FGF2: variants seen among roughly 807,000 people sequenced by gnomAD.
FGF2 encodes the protein basic fibroblast growth factor bFGF.
A neutral mutation model predicts 15.9 loss-of-function variants in FGF2; 13 were observed. That is an observed-to-expected ratio of 0.82 (90% CI 0.53 to 1.30). FGF2 has a LOEUF of 1.30. Ranked by LOEUF, FGF2 falls within the 50% of genes most tolerant of loss-of-function variation. The pLI is 0.00. For missense variants in FGF2, 163 were observed against 196.9 expected (o/e 0.83, Z 1.03); for synonymous variants, 90 against 78.4 (o/e 1.15, Z -0.78).
Position 122,892,285 on chromosome 4 carries a change from A to T in FGF2, c.357A>T (p.Lys119Asn), listed in dbSNP as rs145325930. 6.2e-7 allele frequency: 1 copy of T among 1,613,916 alleles called. No individual in the cohort carries two copies. Among genetic ancestry groups the T allele is most frequent in the Non-Finnish European group, 8.5e-7 (1 of 1,179,878 alleles). Residue 119 changes from lysine to asparagine, a missense_variant, in exon 3 of 3, where the codon AAA becomes AAT. Coordinates refer to ENST00000644866, the MANE Select transcript of FGF2 (RefSeq NM_001361665.2). The part of the protein sequence containing the change: ...SNNYNTYRSR[K>N]YTSWYVALKR... Reference sequence around the variant, plus strand: ...ACTACAATACTTACCGGTCAAGGAAATACACCAGTTGGTATGTGGCACTGA... The same window carrying T: ...ACTACAATACTTACCGGTCAAGGAATTACACCAGTTGGTATGTGGCACTGA...
intron 2 of FGF2, among the ~76,000 whole-genome samples, chr4:122,891,168 G>C (rs2150792546): frequency 6.6e-6 from 1 of 151,134 alleles, no homozygotes; most frequent in African/African-American, 2.4e-5. Flanking sequence ...AGCCTCCCAA[G>C]TAGCTGGGAC....
intron 1 of FGF2, among the ~76,000 whole-genome samples, chr4:122,829,571 A>G (rs995423362): frequency 6.6e-5 from 10 of 152,140 alleles, no homozygotes; most frequent in Non-Finnish European, 7.4e-5. Flanking sequence ...TTTTATTTCT[A>G]TAGGGTTTTA....
chr4:122,840,494 G>A (rs1725959015), intron 1 of FGF2: 1 of 152,390 alleles, frequency 6.6e-6, no homozygotes, highest in Non-Finnish European at 1.5e-5. Flanking sequence ...GCAGCTATCA[G>A]GTACGTTTCC....
intron 1 of FGF2, among the ~76,000 whole-genome samples, chr4:122,858,371 A>G (rs959999482): frequency 1.3e-5 from 2 of 152,118 alleles, no homozygotes; most frequent in African/African-American, 4.8e-5. Flanking sequence ...CATTTTCAGC[A>G]AATGAGTTCC....
At chr4:122,885,592 C>T (rs921101099) in intron 2 of FGF2, among the ~76,000 whole-genome samples, 1 of 152,128 alleles carries the variant, frequency 6.6e-6, no homozygotes. Flanking sequence ...ATAAAGATGA[C>T]ACAGAGAGTA....
At chr4:122,881,634 A>G (rs1451556907) in intron 2 of FGF2, among the ~76,000 whole-genome samples, 2 of 151,708 alleles carry the variant, frequency 1.3e-5, no homozygotes, top group African/African-American at 4.9e-5. Context: ...TTCATTGTCC[A>G]TATCATTATC....
At chr4:122,837,082 A>G (rs1485604106) in intron 1 of FGF2, among the ~76,000 whole-genome samples, 1 of 152,182 alleles carries the variant, frequency 6.6e-6, no homozygotes, top group Non-Finnish European at 1.5e-5. Context: ...ACTGTCTGGT[A>G]CCATTGTTAA....
intron 1 of FGF2, among the ~76,000 whole-genome samples, chr4:122,873,822 T>G (rs1301585553): frequency 1.3e-5 from 2 of 150,366 alleles, no homozygotes; most frequent in Non-Finnish European, 2.9e-5. Context: ...ATTTAAAAAT[T>G]ATATGCCAAT....
At chr4:122,831,519 T>A (rs184300583) in intron 1 of FGF2, among the ~76,000 whole-genome samples, 1 of 152,342 alleles carries the variant, frequency 6.6e-6, no homozygotes, top group Non-Finnish European at 1.5e-5. Flanking sequence ...TGGATAGCAA[T>A]AATTTTACTT....
At position 122,826,887 on chromosome 4, in the gene FGF2, T is replaced by A; in HGVS notation, c.-288T>A. On this transcript the variant is annotated 5_prime_UTR_variant, in exon 1 of 3. Transcript: ENST00000644866. ...CAACGGGATCCCGGGCGCTGCAGCT[T>A]GGGAGGCGGCTCTCCCCAGGCGGCG... 6.6e-7 allele frequency: 1 copy of A among 1,525,304 alleles called. No individual in the cohort carries two copies. The highest frequency in any genetic ancestry group is 8.8e-7 in the Non-Finnish European group (1 of 1,139,686). The allele number at this position is 1,525,304 out of a possible 1,614,324, so 94.5% of individuals were successfully genotyped here.
intron 1 of FGF2, among the ~76,000 whole-genome samples, chr4:122,834,029 A>G (rs1383404141): frequency 2.0e-5 from 3 of 152,204 alleles, no homozygotes; most frequent in Non-Finnish European, 4.4e-5. Context: ...CACGCCCAGG[A>G]AAGATTAGGC....
In FGF2 at chr4:122,893,204, ACTT is replaced by A. The variant is rs1336368273; in HGVS notation, c.*811_*813del. 46 of 1,607,994 alleles carry A rather than the reference ACTT, an allele frequency of 2.9e-5. No individual in the cohort carries two copies. The highest frequency in any genetic ancestry group is 3.7e-5 in the Non-Finnish European group (43 of 1,176,108). On this transcript the variant is annotated 3_prime_UTR_variant, in exon 3 of 3. Coordinates refer to ENST00000644866, the MANE Select transcript of FGF2 (RefSeq NM_001361665.2). ...TGATTTTATACCAGTCTCTTCAAAA[ACTT>A]CTCGAACCGCTGTGTCTCCTACGTA...
At chr4:122,833,988 T>C (rs917642272) in intron 1 of FGF2, among the ~76,000 whole-genome samples, 1 of 152,216 alleles carries the variant, frequency 6.6e-6, no homozygotes, top group African/African-American at 2.4e-5. Context: ...TATCATGTAC[T>C]ATTGTTGTAG....
Position 122,897,600 on chromosome 4 carries a change from A to G in FGF2, c.*5204A>G, listed in dbSNP as rs775626826. On this transcript the variant is annotated 3_prime_UTR_variant, in exon 3 of 3. Coordinates refer to ENST00000644866, the MANE Select transcript of FGF2 (RefSeq NM_001361665.2). ...TAATTTCCTCAACATTTTTAAGCCA[A>G]TTAAAAATATAAAAGATACACACCA... 2.0e-6 allele frequency: 3 copies of G among 1,510,292 alleles called. No individual in the cohort carries two copies. In the South Asian group the frequency reaches 3.4e-5, roughly 17 times the overall value. 93.6% of individuals were successfully genotyped at this position (1,510,292 alleles called of 1,614,324 possible).
At chr4:122,835,371 C>G (rs1434960000) in intron 1 of FGF2, among the ~76,000 whole-genome samples, 3 of 151,610 alleles carry the variant, frequency 2.0e-5, no homozygotes, top group Non-Finnish European at 2.9e-5. Flanking sequence ...CCCCAAGGTT[C>G]TGTTTTTAGC....
chr4:122,830,816 CA>C (rs35597051), intron 1 of FGF2, among the ~76,000 whole-genome samples: 2,524 of 92,694 alleles, frequency 0.027, 20 homozygotes, highest in Middle Eastern at 0.086. Context: ...CTCTTATTTA[CA>C]AAAAAAAAAA....
At chr4:122,873,773 ACTT>A (rs1193084000) in intron 1 of FGF2, among the ~76,000 whole-genome samples, 1 of 152,150 alleles carries the variant, frequency 6.6e-6, no homozygotes, top group African/African-American at 2.4e-5. Flanking sequence ...GACTTCCTCA[ACTT>A]CTTGTTGTAG....
Position 122,827,369 on chromosome 4 carries a change from T to C in FGF2, c.178+17T>C, listed in dbSNP as rs41333248. On this transcript the variant is annotated intron_variant, in intron 1 of 2. Coordinates refer to ENST00000644866, the MANE Select transcript of FGF2 (RefSeq NM_001361665.2). The surrounding 1 kb of genome is among the most constrained non-coding windows in gnomAD (Gnocchi z 4.2). ...ACCCTCACAGTGAGTGCCGACCCGC[T>C]CTCTCCGCCTCATTTCCATTTCGTG... 0.032 allele frequency: 52,357 copies of C among 1,612,088 alleles called. 2,099 individuals are homozygous for C. The highest frequency in any genetic ancestry group is 0.14 in the Admixed American group (8,631 of 59,968).
Position 122,827,282 on chromosome 4 carries a change from CG to C in FGF2, c.113del (p.Gly38AlafsTer48), listed in dbSNP as rs1405250454. 6.2e-7 allele frequency: 1 copy of C among 1,612,910 alleles called. No homozygotes were observed. On this transcript the variant is annotated frameshift_variant, in exon 1 of 3. Transcript: ENST00000644866. LOFTEE classifies it high-confidence loss of function. This position sits in a 1 kb window ranked among gnomAD's most constrained non-coding sequence, Gnocchi z 4.2. ...KDPKRLYCKNGGFFLRIHPDG... is the reference protein window; with the variant it reads ...KDPKRLYCKNXGFFLRIHPDG... ...ACCCCAAGCGGCTGTACTGCAAAAA[CG>C]GGGGCTTCTTCCTGCGCATCCACCC...
Sources: gnomAD v4.1 joint callset for allele counts (sites outside exome capture counted in the v4.1 genomes callset) on GRCh38, gnomAD v4.1.1 for gene constraint, Gnocchi (gnomAD v3.1) non-coding constraint, MANE v1.5 for transcripts, NCBI Gene and HGNC (gene_info 2026-07-23, HGNC 2026-07-21) for gene names.